CNTN4: variants seen among roughly 807,000 people sequenced by gnomAD.
CNTN4 encodes contactin-4.
CNTN4 carries 77 observed loss-of-function variants against 122.5 expected under a neutral mutation model. That is an observed-to-expected ratio of 0.63 (90% CI 0.52 to 0.76). The LOEUF is 0.76. CNTN4 is among the 30% of genes least tolerant of loss of function. The pLI is 0.00. For synonymous variants in CNTN4, 512 were observed against 447.0 expected (o/e 1.15, Z -1.83); for missense variants, 1,256 against 1,259.1 (o/e 1.00, Z 0.04).
At chr3:2,249,122 ATT>A (rs1218898715) in intron 2 of CNTN4, among the ~76,000 whole-genome samples, 1 of 125,102 alleles carries the variant, frequency 8.0e-6, no homozygotes, top group Non-Finnish European at 1.8e-5. Flanking sequence ...CATAATTATT[ATT>A]TGTCAATTAA....
Position 2,657,168 on chromosome 3 carries a change from G to T in CNTN4, c.56-79047G>T, listed in dbSNP as rs140276080. Among the ~76,000 whole-genome samples the T allele has an allele frequency of 2.6e-5, 4 of 152,002 alleles. No homozygotes were observed. The East Asian group carries it at 7.8e-4, about 30-fold the overall frequency. On this transcript the variant is annotated intron_variant, in intron 4 of 24. Coordinates refer to ENST00000418658, the MANE Select transcript of CNTN4 (RefSeq NM_175607.3). The stretch of plus-strand genomic sequence containing the variant: ...ACAAGCATATTTTTCCAATTCTAAG[G>T]GTAGAAAGTGTCTTTGTAAACATTC...
At position 2,800,837 on chromosome 3, in the gene CNTN4, C is replaced by A. The variant is rs531914724; in HGVS notation, c.359-18649C>A. ...ATGTTCAGAATCCTGTCTTTAAGAG[C>A]CCTTTCTTCTACCTGAATGTTTTCC... On this transcript the variant is annotated intron_variant, in intron 6 of 24. Coordinates refer to ENST00000418658, the MANE Select transcript of CNTN4 (RefSeq NM_175607.3). Among the ~76,000 whole-genome samples, 6 of 152,270 alleles carry A rather than the reference C, an allele frequency of 3.9e-5. No homozygotes were observed. The East Asian group carries it at 1.2e-3, about 29-fold the overall frequency.
intron 6 of CNTN4, among the ~76,000 whole-genome samples, chr3:2,812,195 A>G (rs1249991291): frequency 6.6e-6 from 1 of 152,192 alleles, no homozygotes; most frequent in Non-Finnish European, 1.5e-5. Flanking sequence ...TACCTGGGTG[A>G]TGAAATAATC....
At chr3:2,828,930 G>A (rs546313845) in intron 7 of CNTN4, among the ~76,000 whole-genome samples, 25 of 152,062 alleles carry the variant, frequency 1.6e-4, no homozygotes, top group African/African-American at 5.8e-4. Context: ...TTAGAGATGG[G>A]GTCTTGTTTT....
At chr3:2,853,767 C>G (rs2093585533) in intron 7 of CNTN4, among the ~76,000 whole-genome samples, 1 of 151,622 alleles carries the variant, frequency 6.6e-6, no homozygotes, top group African/African-American at 2.4e-5. Flanking sequence ...GAAAAAAGAC[C>G]TGTTTGTTCA....
At position 2,815,873 on chromosome 3, in the gene CNTN4, C is replaced by CATATATATATATATATATATAT. The variant is rs58111735; in HGVS notation, c.359-3595_359-3594insATATATATATATATATATATAT. 1.2e-3 allele frequency among the ~76,000 whole-genome samples: 167 copies of CATATATATATATATATATATAT among 141,206 alleles called. 7 individuals are homozygous for CATATATATATATATATATATAT. Among genetic ancestry groups the CATATATATATATATATATATAT allele is most frequent in the African/African-American group, 4.7e-3 (153 of 32,652 alleles). The allele number at this position is 141,206 out of a possible 152,430, so 92.6% of individuals were successfully genotyped here. On this transcript the variant is annotated intron_variant, in intron 6 of 24. Transcript: ENST00000418658. ...CAATAAGTGGCTAAAGAAACTATGG[C>CATATATATATATATATATATAT]ATATATATATATATATATGATGGAA...
At position 2,889,045 on chromosome 3, in the gene CNTN4, G is replaced by C. The variant is rs111283924; in HGVS notation, c.940+1821G>C. 3.4e-3 allele frequency among the ~76,000 whole-genome samples: 511 copies of C among 151,486 alleles called. 7 individuals carry two copies. The highest frequency in any genetic ancestry group is 0.012 in the African/African-American group (483 of 40,904). ...AGGAAGGGAGGGAGGGAGGGAAAGG[G>C]AAAAAGGAAGGAAGGAAGGAATAAA... On this transcript the variant is annotated intron_variant, in intron 10 of 24. Transcript: ENST00000418658.
intron 6 of CNTN4, among the ~76,000 whole-genome samples, chr3:2,781,974 C>T (rs1303186081): frequency 1.3e-5 from 2 of 151,182 alleles, no homozygotes; most frequent in African/African-American, 2.4e-5. Context: ...CCCCCCGCCT[C>T]GGCCTCCCAA....
chr3:2,585,244 C>G (rs56242826), intron 4 of CNTN4, among the ~76,000 whole-genome samples: 43,528 of 150,970 alleles, frequency 0.29, 6,738 homozygotes, highest in Non-Finnish European at 0.36. Flanking sequence ...GTTGGTGGGA[C>G]TGTAAACTAG....
intron 3 of CNTN4, among the ~76,000 whole-genome samples, chr3:2,523,824 A>G (rs2077305905): frequency 6.6e-6 from 1 of 152,030 alleles, no homozygotes; most frequent in Admixed American, 6.6e-5. Context: ...TCACTTTTTC[A>G]ATTTTCATCA....
chr3:2,558,485 T>A (rs919396442), intron 3 of CNTN4, among the ~76,000 whole-genome samples: 5 of 152,154 alleles, frequency 3.3e-5, no homozygotes, highest in African/African-American at 7.2e-5. Flanking sequence ...CCTTTTTTTT[T>A]ATTGATGTCA....
intron 14 of CNTN4, among the ~76,000 whole-genome samples, chr3:3,021,054 G>T (rs1328050076): frequency 6.6e-6 from 1 of 152,162 alleles, no homozygotes; most frequent in Admixed American, 6.5e-5. Flanking sequence ...CATGAGCACT[G>T]AAATGCTTAG....
chr3:2,461,687 T>C (rs2049217693), intron 3 of CNTN4, among the ~76,000 whole-genome samples: 1 of 152,260 alleles, frequency 6.6e-6, no homozygotes, highest in Admixed American at 6.5e-5. Flanking sequence ...ATTTGAATTT[T>C]CGTATTAATA....
At chr3:2,851,298 C>T (rs116081370) in intron 7 of CNTN4, among the ~76,000 whole-genome samples, 1 of 152,134 alleles carries the variant, frequency 6.6e-6, no homozygotes, top group African/African-American at 2.4e-5. Context: ...AGAAGTGAAA[C>T]ACTATGCCTC....
chr3:2,949,369 T>C (rs2094713068), intron 13 of CNTN4, among the ~76,000 whole-genome samples: 1 of 152,208 alleles, frequency 6.6e-6, no homozygotes, highest in African/African-American at 2.4e-5. Context: ...ACAGATATTA[T>C]GAAGTTTGTT....
rs571065063 is a variant in CNTN4, at chr3:2,333,538, G to A, written c.-144-5640G>A. ...TATTGTACCCAATGAAAGTCCCAAGGATGTGATTATCTCTTAATAACTCTA... is the reference window on the plus strand; with the variant it reads ...TATTGTACCCAATGAAAGTCCCAAGAATGTGATTATCTCTTAATAACTCTA... On this transcript the variant is annotated intron_variant, in intron 2 of 24. Transcript: ENST00000418658. 4.6e-5 allele frequency among the ~76,000 whole-genome samples: 7 copies of A among 152,242 alleles called. No homozygotes were observed. In the East Asian group the frequency reaches 1.2e-3, roughly 25 times the overall value.
Position 2,825,701 on chromosome 3 carries a change from A to G in CNTN4, c.454+6120A>G, listed in dbSNP as rs1405249031. Among the ~76,000 whole-genome samples the G allele has an allele frequency of 3.9e-5, 6 of 152,202 alleles. No homozygotes were observed. The East Asian group carries it at 9.7e-4, about 25-fold the overall frequency. ...GAGATCCTGTCTTAAAAGCAAACAA[A>G]CAGACAAAACCCAGAAGTAGCATTT... On this transcript the variant is annotated intron_variant, in intron 7 of 24. Coordinates refer to ENST00000418658, the MANE Select transcript of CNTN4 (RefSeq NM_175607.3).
chr3:2,609,303 G>T (rs914437618), intron 4 of CNTN4, among the ~76,000 whole-genome samples: 1 of 152,182 alleles, frequency 6.6e-6, no homozygotes, highest in South Asian at 2.1e-4. Flanking sequence ...AGGACCCTTT[G>T]CCCTTCTGCC....
Position 2,887,328 on chromosome 3 carries a change from A to C in CNTN4, c.940+104A>C, listed in dbSNP as rs1444007198. On this transcript the variant is annotated intron_variant, in intron 10 of 24. Coordinates refer to ENST00000418658, the MANE Select transcript of CNTN4 (RefSeq NM_175607.3). ...AGGCATTTTGGGAGAGATGGTGCAG[A>C]ATAGGACTGTGTGAAACTCATGGTT... The C allele has an allele frequency of 1.3e-5, 14 of 1,073,354 alleles. No homozygotes were observed. The East Asian group carries it at 3.5e-4, about 27-fold the overall frequency. The allele number at this position is 1,073,354 out of a possible 1,614,324, so 66.5% of individuals were successfully genotyped here.
Sources: allele counts gnomAD v4.1 joint callset (sites outside exome capture counted in the v4.1 genomes callset), GRCh38; gene constraint gnomAD v4.1.1; transcripts MANE v1.5; gene names NCBI Gene and HGNC (gene_info 2026-07-23, HGNC 2026-07-21).